LRRC4C: variants seen among roughly 807,000 people sequenced by gnomAD.
LRRC4C encodes the protein leucine-rich repeat-containing protein 4C.
Under a neutral mutation model 33.6 loss-of-function variants are expected in LRRC4C, and 5 were observed. That is an observed-to-expected ratio of 0.15 (90% CI 0.08 to 0.31). The LOEUF (loss-of-function observed/expected upper bound fraction) is 0.31. LRRC4C is among the 10% of genes least tolerant of loss of function. The pLI is 1.00. For synonymous variants in LRRC4C, 329 were observed against 302.0 expected (o/e 1.09, Z -0.93); for missense variants, 560 against 796.7 (o/e 0.70, Z 3.58).
chr11:40,939,732 G>A (rs546401984), intron 1 of LRRC4C, among the ~76,000 whole-genome samples: 7 of 152,268 alleles, frequency 4.6e-5, no homozygotes, highest in African/African-American at 1.7e-4. Context: ...GATGGTTGCT[G>A]AGCCTTGTTC....
intron 4 of LRRC4C, among the ~76,000 whole-genome samples, chr11:40,261,935 C>A (rs1393807043): frequency 1.3e-5 from 2 of 152,146 alleles, no homozygotes; most frequent in Non-Finnish European, 2.9e-5. Flanking sequence ...GACTTCATGA[C>A]TAAAACACCG....
At chr11:40,754,924 T>A (rs1327800794) in intron 2 of LRRC4C, among the ~76,000 whole-genome samples, 1 of 152,116 alleles carries the variant, frequency 6.6e-6, no homozygotes, top group Non-Finnish European at 1.5e-5. Context: ...CCTTGGTGAA[T>A]GTAATTAAAA....
At chr11:40,969,150 A>G (rs1165119668) in intron 1 of LRRC4C, among the ~76,000 whole-genome samples, 1 of 152,150 alleles carries the variant, frequency 6.6e-6, no homozygotes, top group African/African-American at 2.4e-5. Flanking sequence ...CGGCTTCAAG[A>G]TTTCAGTGAA....
At chr11:40,659,759 G>C (rs1175562738) in intron 2 of LRRC4C, among the ~76,000 whole-genome samples, 2 of 152,120 alleles carry the variant, frequency 1.3e-5, no homozygotes, top group African/African-American at 4.8e-5. Flanking sequence ...ATCCACTTTG[G>C]GTCTTGCCTG....
chr11:40,447,574 T>A (rs1004421892), intron 3 of LRRC4C, among the ~76,000 whole-genome samples: 4 of 152,110 alleles, frequency 2.6e-5, no homozygotes, highest in Non-Finnish European at 4.4e-5. Flanking sequence ...CACACAAGAA[T>A]TGAGAAGAAA....
At chr11:40,229,372 A>G (rs561632312) in intron 5 of LRRC4C, among the ~76,000 whole-genome samples, 29 of 152,228 alleles carry the variant, frequency 1.9e-4, no homozygotes, top group Admixed American at 5.9e-4. Flanking sequence ...TCCCGGGTTC[A>G]GGCAATTCTC....
At chr11:40,131,971 T>C (rs1258528397) in intron 6 of LRRC4C, among the ~76,000 whole-genome samples, 1 of 152,200 alleles carries the variant, frequency 6.6e-6, no homozygotes, top group Non-Finnish European at 1.5e-5. Context: ...AGTTTATTAA[T>C]GGGTTTCAAA....
intron 2 of LRRC4C, among the ~76,000 whole-genome samples, chr11:40,788,316 C>A (rs1326553087): frequency 6.6e-6 from 1 of 151,996 alleles, no homozygotes; most frequent in African/African-American, 2.4e-5. Flanking sequence ...TTTTCTTCCT[C>A]CTCCTTTCTT....
intron 3 of LRRC4C, among the ~76,000 whole-genome samples, chr11:40,550,314 A>T (rs540119535): frequency 4.3e-4 from 65 of 152,258 alleles, no homozygotes; most frequent in African/African-American, 1.5e-3. Flanking sequence ...AGGTTTACCA[A>T]GGTTTTACCT....
At chr11:40,216,740 A>G (rs1234613268) in intron 5 of LRRC4C, among the ~76,000 whole-genome samples, 1 of 152,142 alleles carries the variant, frequency 6.6e-6, no homozygotes, top group African/African-American at 2.4e-5. Flanking sequence ...AAATGGCATA[A>G]TCAACATGCC....
chr11:40,597,056 T>C (rs536021419), intron 3 of LRRC4C, among the ~76,000 whole-genome samples: 2 of 152,340 alleles, frequency 1.3e-5, no homozygotes, highest in East Asian at 3.9e-4. Context: ...ACATATAGAA[T>C]GAGATTTATA....
intron 2 of LRRC4C, among the ~76,000 whole-genome samples, chr11:40,925,525 A>G (rs1036011529): frequency 6.6e-6 from 1 of 152,172 alleles, no homozygotes; most frequent in Non-Finnish European, 1.5e-5. Context: ...TAAGAAGGAA[A>G]CTTTGCCACT....
chr11:40,177,852 T>G (rs1236499046), intron 5 of LRRC4C, among the ~76,000 whole-genome samples: 1 of 152,196 alleles, frequency 6.6e-6, no homozygotes, highest in African/African-American at 2.4e-5. Context: ...TCCCCACTGA[T>G]GTACCCCGAG....
chr11:40,281,364 T>A (rs1264569700), intron 4 of LRRC4C, among the ~76,000 whole-genome samples: 1 of 152,132 alleles, frequency 6.6e-6, no homozygotes, highest in Non-Finnish European at 1.5e-5. Flanking sequence ...TCTCTAGAGA[T>A]CAGCTAACTA....
intron 2 of LRRC4C, among the ~76,000 whole-genome samples, chr11:40,708,707 G>A (rs1946303862): frequency 6.6e-6 from 1 of 152,186 alleles, no homozygotes; most frequent in East Asian, 1.9e-4. Flanking sequence ...GGAGAGTTCT[G>A]TAGATGTCTA....
At chr11:40,450,826 A>G (rs964553290) in intron 3 of LRRC4C, among the ~76,000 whole-genome samples, 46 of 151,864 alleles carry the variant, frequency 3.0e-4, no homozygotes, top group African/African-American at 9.6e-4. Flanking sequence ...TCTAAGCCCA[A>G]TGTAATTAAA....
At chr11:41,021,086 A>C (rs1321782953) in intron 1 of LRRC4C, among the ~76,000 whole-genome samples, 1 of 150,370 alleles carries the variant, frequency 6.7e-6, no homozygotes, top group East Asian at 2.0e-4. Flanking sequence ...TTTATTTACC[A>C]TTTGTTTCTC....
intron 1 of LRRC4C, among the ~76,000 whole-genome samples, chr11:41,314,077 G>T: frequency 6.6e-6 from 1 of 152,114 alleles, no homozygotes; most frequent in Non-Finnish European, 1.5e-5. Context: ...AGGGGCTGGG[G>T]GTAGATTGGG....
chr11:41,307,870 C>G (rs1950546022), intron 1 of LRRC4C, among the ~76,000 whole-genome samples: 1 of 152,132 alleles, frequency 6.6e-6, no homozygotes, highest in Non-Finnish European at 1.5e-5. Flanking sequence ...TGAAGTGAAA[C>G]TATGAAGATT....
Sources: allele counts gnomAD v4.1 joint callset (sites outside exome capture counted in the v4.1 genomes callset), GRCh38; gene constraint gnomAD v4.1.1; transcripts MANE v1.5; gene names NCBI Gene and HGNC (gene_info 2026-07-23, HGNC 2026-07-21).